Variants in BLOC1S6 observed in about 807,000 individuals in gnomAD.
BLOC1S6 encodes biogenesis of lysosome-related organelles complex 1 subunit 6.
A neutral mutation model predicts 24.7 loss-of-function variants in BLOC1S6; 24 were observed. The observed-to-expected ratio is 0.97, with a 90% confidence interval of 0.70 to 1.37. The LOEUF (loss-of-function observed/expected upper bound fraction) is 1.37, where lower values mean the gene tolerates loss of function less well. Ranked by LOEUF, BLOC1S6 falls within the 40% of genes most tolerant of loss-of-function variation. The probability of loss-of-function intolerance (pLI) is 0.00; values close to 1 mark genes in which losing one functional copy is unlikely to be tolerated. For missense variants in BLOC1S6, 175 were observed against 196.2 expected, an observed-to-expected ratio of 0.89 and a Z score of 0.64; for synonymous variants, 76 against 72.6, an observed-to-expected ratio of 1.05 and a Z score of -0.23.
chr15:45,605,003 G>A (rs921573801), intron 3 of BLOC1S6, among the ~76,000 whole-genome samples: 4 of 152,176 alleles, frequency 2.6e-5, no homozygotes, highest in African/African-American at 9.7e-5. Flanking sequence ...CACAGTTTGG[G>A]TTTTCCTTAT....
rs769747944 is a variant in BLOC1S6, at chr15:45,587,488, G to C, written c.45G>C (p.Arg15=). The C allele has an allele frequency of 1.3e-6, 2 of 1,585,896 alleles. No individual in the cohort carries two copies. Among genetic ancestry groups the C allele is most frequent in the South Asian group, 1.1e-5 (1 of 87,286 alleles). Residue 15 remains arginine, a synonymous_variant, in exon 1 of 5, where the codon CGG becomes CGC. Coordinates refer to ENST00000220531, the MANE Select transcript of BLOC1S6 (RefSeq NM_012388.4). The part of the protein sequence containing the change: ...GPSSPDGALT[R]PPYCLEAGEP... Reference sequence around the variant, plus strand: ...CGTCTCCGGACGGGGCCCTGACACGGCCACCCTACTGCCTGGAGGCCGGGG... The same window carrying C: ...CGTCTCCGGACGGGGCCCTGACACGCCCACCCTACTGCCTGGAGGCCGGGG...
At position 45,593,206 on chromosome 15, in the gene BLOC1S6, G is replaced by A. The variant is rs141666263; in HGVS notation, c.224+930G>A. 4.2e-3 allele frequency among the ~76,000 whole-genome samples: 637 copies of A among 151,690 alleles called. 4 individuals are homozygous for A. Among genetic ancestry groups the A allele is most frequent in the African/African-American group, 0.014 (597 of 41,362 alleles). On this transcript the variant is annotated intron_variant, in intron 2 of 4. Transcript: ENST00000220531. ...GTCGGGAGTTTTAGACCACCCTGGC[G>A]AAACCCTGTCTCTACTAAAAACACA...
intron 1 of BLOC1S6, 136 bp downstream of exon 1, chr15:45,587,661 C>A (rs2140899468): frequency 1.1e-6 from 1 of 893,662 alleles, no homozygotes; most frequent in Non-Finnish European, 1.8e-6. Context: ...GCCCCGAGTG[C>A]AGAAATGGGG....
At chr15:45,601,190 A>T (rs910551199) in intron 2 of BLOC1S6, 1 of 154,430 alleles carries the variant, frequency 6.5e-6, no homozygotes, top group Non-Finnish European at 1.5e-5. Flanking sequence ...CTCTCTTTCA[A>T]AATATCTTAT....
chr15:45,591,777 C>G (rs1162245269), intron 1 of BLOC1S6, among the ~76,000 whole-genome samples: 2 of 152,198 alleles, frequency 1.3e-5, no homozygotes, highest in Non-Finnish European at 2.9e-5. Flanking sequence ...TTATCATAGA[C>G]TTTACCTTAT....
Position 45,608,876 on chromosome 15 carries a change from C to G in BLOC1S6, c.*2362C>G, listed in dbSNP as rs924214053. 6 of 152,084 alleles carry G rather than the reference C, an allele frequency of 3.9e-5. No individual in the cohort carries two copies. The highest frequency in any genetic ancestry group is 6.6e-5 in the Admixed American group (1 of 15,262). The allele number at this position is 152,084 out of a possible 1,614,324, so 9.4% of individuals were successfully genotyped here. ...ATTTTATGAAATAAATTCTGAGCTG[C>G]TGCTTTTGATATAGTCAGACTTAAG... is the stretch of plus-strand genomic sequence containing the variant. On this transcript the variant is annotated 3_prime_UTR_variant, in exon 5 of 5. Transcript: ENST00000220531.
chr15:45,603,215 A>C, intron 3 of BLOC1S6, 28 bp downstream of exon 3: 2 of 1,440,446 alleles, frequency 1.4e-6, no homozygotes, highest in South Asian at 1.2e-5. Context: ...GATGTAATTT[A>C]ATGACATCTT....
upstream of BLOC1S6, chr15:45,587,331 C>T: frequency 9.3e-7 from 1 of 1,074,064 alleles, no homozygotes; most frequent in South Asian, 1.4e-5. Flanking sequence ...GCCCCCGTCA[C>T]TTCCGGGTGC....
chr15:45,592,008 T>G, intron 1 of BLOC1S6, 127 bp from the exon 2 acceptor site: 2 of 1,125,520 alleles, frequency 1.8e-6, no homozygotes, highest in South Asian at 1.4e-5. Context: ...CAGTGGTGTT[T>G]ACAACTAATT....
chr15:45,588,209 C>T (rs1048765504), intron 1 of BLOC1S6, among the ~76,000 whole-genome samples: 2 of 152,232 alleles, frequency 1.3e-5, no homozygotes, highest in African/African-American at 2.4e-5. Context: ...AGGGGTTACC[C>T]CCAAATAGTG....
At chr15:45,591,477 G>T (rs1893882872) in intron 1 of BLOC1S6, among the ~76,000 whole-genome samples, 1 of 152,072 alleles carries the variant, frequency 6.6e-6, no homozygotes, top group South Asian at 2.1e-4. Flanking sequence ...CCGCTGCCCA[G>T]GCTGGAGTGC....
intron 2 of BLOC1S6, among the ~76,000 whole-genome samples, chr15:45,596,133 G>A (rs1377534770): frequency 6.6e-6 from 1 of 151,636 alleles, no homozygotes; most frequent in Non-Finnish European, 1.5e-5. Context: ...AGGCTTGTAA[G>A]GTCTGTGTCT....
chr15:45,609,393 G>A lies in BLOC1S6; in HGVS notation c.*2879G>A, dbSNP rs747025877. 8 of 152,144 alleles carry A rather than the reference G, an allele frequency of 5.3e-5. No homozygotes were observed. The highest frequency in any genetic ancestry group is 8.8e-5 in the Non-Finnish European group (6 of 68,036). 9.4% of individuals were successfully genotyped at this position (152,144 alleles called of 1,614,324 possible). On this transcript the variant is annotated 3_prime_UTR_variant, in exon 5 of 5. Coordinates refer to ENST00000220531, the MANE Select transcript of BLOC1S6 (RefSeq NM_012388.4). ...AACTGGAATGGAAATCTTATAATTA[G>A]TGTTGTATTTTTCTGCAAAATAGTG... is the stretch of plus-strand genomic sequence containing the variant.
chr15:45,592,075 A>C, intron 1 of BLOC1S6, 60 bp from the exon 2 acceptor site: 2 of 1,580,790 alleles, frequency 1.3e-6, no homozygotes, highest in Non-Finnish European at 1.7e-6. Context: ...GCTTCAGTTG[A>C]CCAGCCTAAA....
chr15:45,587,312 A>T, upstream of BLOC1S6: 2 of 855,632 alleles, frequency 2.3e-6, no homozygotes, highest in South Asian at 1.4e-5. Flanking sequence ...CGAAGCCCGC[A>T]GTTTTTTCGC....
intron 3 of BLOC1S6, 50 bp from the exon 4 acceptor site, chr15:45,605,378 A>G (rs1340922544): frequency 7.1e-7 from 1 of 1,415,534 alleles, no homozygotes; most frequent in South Asian, 1.2e-5. Flanking sequence ...ATTCATTTTG[A>G]TATTTTAGTC....
intron 2 of BLOC1S6, among the ~76,000 whole-genome samples, chr15:45,595,933 G>A (rs548588985): frequency 6.6e-6 from 1 of 152,118 alleles, no homozygotes; most frequent in African/African-American, 2.4e-5. Flanking sequence ...TCAGCCTCCT[G>A]AGTAGCTGGG....
upstream of BLOC1S6, chr15:45,587,298 T>C: frequency 1.3e-6 from 1 of 775,616 alleles, no homozygotes; most frequent in East Asian, 2.7e-5. Flanking sequence ...CTCGAGCGCG[T>C]GATCGAAGCC....
chr15:45,606,557 G>T lies in BLOC1S6; in HGVS notation c.*43G>T. The T allele has an allele frequency of 8.1e-6, 13 of 1,613,970 alleles. No individual in the cohort carries two copies. Among genetic ancestry groups the T allele is most frequent in the Non-Finnish European group, 1.1e-5 (13 of 1,179,966 alleles). ...TTTTCTTCTCCTGTCCCATATTTGG[G>T]TTATGATGACTCAAGTGTAGACTGA... is the stretch of plus-strand genomic sequence containing the variant. On this transcript the variant is annotated 3_prime_UTR_variant, in exon 5 of 5. Transcript: ENST00000220531.
Sources: allele counts gnomAD v4.1 joint callset (sites outside exome capture counted in the v4.1 genomes callset), GRCh38; gene constraint gnomAD v4.1.1; transcripts MANE v1.5; gene names NCBI Gene and HGNC (gene_info 2026-07-23, HGNC 2026-07-21).